The following AIG1 variants were observed in gnomAD, a reference collection of about 807,000 sequenced individuals.
AIG1 encodes androgen induced 1, also known as androgen-induced gene 1 protein.
AIG1 carries 23 observed loss-of-function variants against 31.4 expected under a neutral mutation model. That is an observed-to-expected ratio of 0.73 (90% CI 0.53 to 1.04). The LOEUF is 1.04. Ranked by LOEUF, AIG1 falls within the 50% of genes least tolerant of loss-of-function variation. AIG1 has a pLI of 0.00. For synonymous variants in AIG1, 100 were observed against 110.5 expected (o/e 0.90, Z 0.60); for missense variants, 274 against 295.0 (o/e 0.93, Z 0.52).
At chr6:143,195,643 A>G (rs950694440) in intron 3 of AIG1, among the ~76,000 whole-genome samples, 1 of 150,908 alleles carries the variant, frequency 6.6e-6, no homozygotes, top group African/African-American at 2.4e-5. Flanking sequence ...ACGGGGGAGG[A>G]CACAACACAG....
chr6:143,273,020 T>A (rs767793791), intron 3 of AIG1, among the ~76,000 whole-genome samples: 8 of 152,138 alleles, frequency 5.3e-5, no homozygotes, highest in Non-Finnish European at 1.0e-4. Flanking sequence ...TCCCAGCTAC[T>A]TGGGAGGCTG....
intron 3 of AIG1, among the ~76,000 whole-genome samples, chr6:143,206,034 A>G (rs939762898): frequency 3.9e-5 from 6 of 152,246 alleles, no homozygotes; most frequent in Non-Finnish European, 7.3e-5. Context: ...TGACCAAGGT[A>G]TTATGACTGT....
At chr6:143,191,466 G>GA (rs888113799) in intron 3 of AIG1, among the ~76,000 whole-genome samples, 1 of 151,686 alleles carries the variant, frequency 6.6e-6, no homozygotes. Context: ...ATTTCCTACA[G>GA]AAAAAAAACT....
Position 143,326,745 on chromosome 6 carries a change from C to A in AIG1, c.516-6537C>A, listed in dbSNP as rs1776644755. 6.6e-6 allele frequency among the ~76,000 whole-genome samples: 1 copy of A among 152,022 alleles called. No individual in the cohort carries two copies. The highest frequency in any genetic ancestry group is 2.1e-4 in the South Asian group (1 of 4,820). On this transcript the variant is annotated intron_variant, in intron 4 of 5. Transcript: ENST00000357847. This position sits in a 1 kb window ranked among gnomAD's most constrained non-coding sequence, Gnocchi z 4.5. ...CTAATATAGAAAAGATACATATAAC[C>A]TAATTATTCTAAGTGGTGGCTAACT... is the stretch of plus-strand genomic sequence containing the variant.
chr6:143,116,782 G>A (rs531534924), intron 1 of AIG1, among the ~76,000 whole-genome samples: 9 of 151,326 alleles, frequency 5.9e-5, no homozygotes, highest in Admixed American at 3.3e-4. Context: ...GTCCAGGGGC[G>A]GCAAGTGGGC....
intron 1 of AIG1, among the ~76,000 whole-genome samples, chr6:143,134,575 G>A (rs771740241): frequency 6.6e-6 from 1 of 151,828 alleles, no homozygotes; most frequent in Non-Finnish European, 1.5e-5. Flanking sequence ...GATATGACTA[G>A]TACACATATA....
chr6:143,287,757 A>C (rs1233808481), intron 4 of AIG1, among the ~76,000 whole-genome samples: 1 of 151,424 alleles, frequency 6.6e-6, no homozygotes, highest in East Asian at 1.9e-4. Flanking sequence ...AAAAAAAAAA[A>C]AAAAAAATCT....
chr6:143,324,885 C>T (rs1776479646), intron 4 of AIG1, among the ~76,000 whole-genome samples: 1 of 152,222 alleles, frequency 6.6e-6, no homozygotes, highest in Non-Finnish European at 1.5e-5. Context: ...ATCGACCTCA[C>T]TGCGCCCTCA....
At chr6:143,088,053 A>G (rs1347559955) in intron 1 of AIG1, among the ~76,000 whole-genome samples, 2 of 152,208 alleles carry the variant, frequency 1.3e-5, no homozygotes, top group African/African-American at 2.4e-5. Flanking sequence ...CTTCAGTTTC[A>G]TAGAGCATCC....
intron 4 of AIG1, among the ~76,000 whole-genome samples, chr6:143,307,685 C>T (rs1229735790): frequency 1.3e-5 from 2 of 152,236 alleles, no homozygotes; most frequent in Admixed American, 1.3e-4. Flanking sequence ...TCTGCCCATT[C>T]TCAGATCTCC....
chr6:143,321,794 C>G (rs1031165891), intron 4 of AIG1, among the ~76,000 whole-genome samples: 2 of 151,968 alleles, frequency 1.3e-5, no homozygotes, highest in Non-Finnish European at 2.9e-5. Flanking sequence ...CACTACAACA[C>G]AACTGGGAAA....
chr6:143,248,348 A>G (rs1047908884), intron 3 of AIG1, among the ~76,000 whole-genome samples: 3 of 152,152 alleles, frequency 2.0e-5, no homozygotes, highest in African/African-American at 7.2e-5. Context: ...CCTTCCTCCC[A>G]TATTTTTGAA....
At chr6:143,225,927 T>C (rs1792911823) in intron 3 of AIG1, among the ~76,000 whole-genome samples, 2 of 152,210 alleles carry the variant, frequency 1.3e-5, no homozygotes, top group Admixed American at 6.5e-5. Flanking sequence ...TTATAGTCAA[T>C]AACACATATA....
chr6:143,085,009 A>G (rs1778631334), intron 1 of AIG1, among the ~76,000 whole-genome samples: 1 of 152,118 alleles, frequency 6.6e-6, no homozygotes, highest in Non-Finnish European at 1.5e-5. Context: ...CACTTCTCTC[A>G]TTTGGGGTTA....
At chr6:143,343,289 T>C, downstream of AIG1, 1 of 629,806 alleles carries the variant, frequency 1.6e-6, no homozygotes, top group South Asian at 1.4e-5. Flanking sequence ...TTACTTACCC[T>C]CATGAACTGA....
intron 4 of AIG1, among the ~76,000 whole-genome samples, chr6:143,324,890 C>T (rs141453363): frequency 0.013 from 1,997 of 152,276 alleles, 145 homozygotes; most frequent in Admixed American, 0.12. Context: ...CCTCACTGCG[C>T]CCTCAAGGGC....
At chr6:143,060,556 G>A (rs900286142), upstream of AIG1, 12 of 347,616 alleles carry the variant, frequency 3.5e-5, no homozygotes, top group Non-Finnish European at 6.4e-5. Flanking sequence ...CCGAGCCCTC[G>A]TAGCACTCAG....
intron 3 of AIG1, among the ~76,000 whole-genome samples, chr6:143,166,482 A>T (rs1017412707): frequency 9.2e-5 from 14 of 152,172 alleles, no homozygotes; most frequent in African/African-American, 3.1e-4. Flanking sequence ...TTAAGAAGCC[A>T]TTCCTAACTC....
chr6:143,169,845 G>T (rs1787322358), intron 3 of AIG1, among the ~76,000 whole-genome samples: 1 of 152,040 alleles, frequency 6.6e-6, no homozygotes, highest in African/African-American at 2.4e-5. Flanking sequence ...TACTTTTTCT[G>T]TGTCTATTGA....
Sources: allele counts gnomAD v4.1 joint callset (sites outside exome capture counted in the v4.1 genomes callset), GRCh38; gene constraint gnomAD v4.1.1; non-coding constraint Gnocchi (gnomAD v3.1); transcripts MANE v1.5; gene names NCBI Gene and HGNC (gene_info 2026-07-23, HGNC 2026-07-21).